CASTOR2: variants seen among roughly 807,000 people sequenced by gnomAD.
CASTOR2 encodes cytosolic arginine sensor for mTORC1 subunit 2.
Under a neutral mutation model 31.2 loss-of-function variants are expected in CASTOR2, and 8 were observed. The ratio of observed to expected loss-of-function variants is 0.26; its 90% CI spans 0.15 to 0.46. CASTOR2 has a LOEUF of 0.46. Ranked by LOEUF, CASTOR2 falls within the 20% of genes least tolerant of loss-of-function variation. The pLI is 0.99. For synonymous variants in CASTOR2, 162 were observed against 158.7 expected, an observed-to-expected ratio of 1.02 and a Z score of -0.16; for missense variants, 216 against 382.1, an observed-to-expected ratio of 0.57 and a Z score of 3.62.
Position 75,028,606 on chromosome 7 carries a change from C to T in CASTOR2, c.*3907C>T, listed in dbSNP as rs1805208528. ...GGATGGGGAGGAACAGAGCAGTGAC[C>T]ACCCCTCCCTGCCACTGATAAGTTC... On this transcript the variant is annotated 3_prime_UTR_variant, in exon 9 of 9. Coordinates refer to ENST00000616305, the MANE Select transcript of CASTOR2 (RefSeq NM_001145064.3). Among the ~76,000 whole-genome samples, 3 of 152,252 alleles carry T rather than the reference C, an allele frequency of 2.0e-5. No individual in the cohort carries two copies. The South Asian group carries it at 6.2e-4, about 32-fold the overall frequency.
At chr7:75,020,220 A>G in intron 6 of CASTOR2, 71 bp downstream of exon 6, 1 of 1,299,262 alleles carries the variant, frequency 7.7e-7, no homozygotes, top group South Asian at 1.3e-5. Context: ...ATGTGATGGC[A>G]CATCACCCAC....
intron 4 of CASTOR2, 66 bp from the exon 5 acceptor site, chr7:75,018,906 C>G (rs1376135640): frequency 6.4e-6 from 10 of 1,551,350 alleles, no homozygotes; most frequent in Admixed American, 2.0e-5. Flanking sequence ...TTCCCAGGCC[C>G]TGCACCCACC....
chr7:74,996,935 A>G (rs1804366783), intron 1 of CASTOR2, among the ~76,000 whole-genome samples: 2 of 150,842 alleles, frequency 1.3e-5, no homozygotes, highest in Admixed American at 1.3e-4. Flanking sequence ...GGGTTTCACC[A>G]TGTTGGCCAG....
In CASTOR2 at chr7:75,017,678, T is replaced by C; in HGVS notation, c.265T>C (p.Ser89Pro). 1 of 1,614,024 alleles carries C rather than the reference T, an allele frequency of 6.2e-7. No individual in the cohort carries two copies. The highest frequency in any genetic ancestry group is 8.5e-7 in the Non-Finnish European group (1 of 1,179,874). Residue 89 changes from serine (S) to proline (P), a missense_variant, in exon 3 of 9, where the codon TCC becomes CCC. By Grantham distance (74) the Ser-to-Pro change is moderately conservative (BLOSUM62 -1). This residue lies in a region of CASTOR2 where 114 missense variants were observed against 194.2 expected (regional missense o/e 0.59). Transcript: ENST00000616305. ...LNVVSGGGSF[S>P]SSQPIGVTKI... is the part of the protein sequence containing the mutation. Reference sequence around the variant, plus strand: ...CGTGGTGTCCGGCGGTGGCAGCTTCTCCAGCTCCCAGCCCATCGGCGTGAC... The same window carrying C: ...CGTGGTGTCCGGCGGTGGCAGCTTCCCCAGCTCCCAGCCCATCGGCGTGAC...
intron 1 of CASTOR2, among the ~76,000 whole-genome samples, chr7:74,971,884 C>T (rs1187298317): frequency 2.8e-5 from 4 of 141,612 alleles, no homozygotes; most frequent in Non-Finnish European, 4.6e-5. Context: ...GGTGGGATCC[C>T]GGTGTGCCCC....
rs1275560504 is a variant in CASTOR2, at chr7:74,981,758, T to C, written c.113+16660T>C. 4.5e-4 allele frequency among the ~76,000 whole-genome samples: 67 copies of C among 150,030 alleles called. 2 individuals are homozygous for C. Among genetic ancestry groups the C allele is most frequent in the African/African-American group, 1.5e-3 (63 of 40,650 alleles). Reference sequence around the variant, plus strand: ...TTTTTTAATAATTTTTTTTTTTTAATGTGGGAGAGTTCAAATGTGAAATCA... The same window carrying C: ...TTTTTTAATAATTTTTTTTTTTTAACGTGGGAGAGTTCAAATGTGAAATCA... On this transcript the variant is annotated intron_variant, in intron 1 of 8. Coordinates refer to ENST00000616305, the MANE Select transcript of CASTOR2 (RefSeq NM_001145064.3).
At chr7:74,988,607 T>G (rs1225862467) in intron 1 of CASTOR2, among the ~76,000 whole-genome samples, 1 of 152,142 alleles carries the variant, frequency 6.6e-6, no homozygotes, top group Non-Finnish European at 1.5e-5. Flanking sequence ...CACGCTCCTT[T>G]TTTTTGGTGG....
chr7:74,977,204 A>C (rs1221119646), intron 1 of CASTOR2, among the ~76,000 whole-genome samples: 3 of 149,856 alleles, frequency 2.0e-5, no homozygotes, highest in Non-Finnish European at 3.0e-5. Flanking sequence ...AAAAAAAAAA[A>C]CACCTTGTAA....
chr7:74,988,452 T>C lies in CASTOR2; in HGVS notation c.114-19542T>C, dbSNP rs1358058919. ...AGCTGGGACTACAGGTGCCTGCCAC[T>C]GCGCCCAGCTAATTTTTTATGTTTT... is the stretch of plus-strand genomic sequence containing the variant. On this transcript the variant is annotated intron_variant, in intron 1 of 8. Coordinates refer to ENST00000616305, the MANE Select transcript of CASTOR2 (RefSeq NM_001145064.3). 1.2e-3 allele frequency among the ~76,000 whole-genome samples: 185 copies of C among 152,018 alleles called. 2 individuals are homozygous for C. Among genetic ancestry groups the C allele is most frequent in the Non-Finnish European group, 2.2e-4 (15 of 67,976 alleles).
chr7:74,996,776 T>G (rs1343588731), intron 1 of CASTOR2, among the ~76,000 whole-genome samples: 1,247 of 115,476 alleles, frequency 0.011, 19 homozygotes, highest in Middle Eastern at 0.042. Context: ...TCACCCAGGC[T>G]GGAGTGCAGT....
chr7:74,987,451 G>C (rs1465815645), intron 1 of CASTOR2, among the ~76,000 whole-genome samples: 1 of 151,196 alleles, frequency 6.6e-6, no homozygotes, highest in Non-Finnish European at 1.5e-5. Flanking sequence ...TCCCATAGAA[G>C]AAGGAAGGTT....
chr7:75,001,939 C>T (rs1465767554), intron 1 of CASTOR2, among the ~76,000 whole-genome samples: 1 of 152,166 alleles, frequency 6.6e-6, no homozygotes, highest in Admixed American at 6.5e-5. Flanking sequence ...TGTGATGCAC[C>T]ACCAGCCCAG....
rs968564264 is a variant in CASTOR2, at chr7:75,030,061, G to A, written c.*5362G>A. ...GGAGCAGCCTGGAGCAGAGGCAGGA[G>A]CCTGAGGCCTGAGCCATGGCATCCA... On this transcript the variant is annotated 3_prime_UTR_variant, in exon 9 of 9. Coordinates refer to ENST00000616305, the MANE Select transcript of CASTOR2 (RefSeq NM_001145064.3). 6.6e-6 allele frequency among the ~76,000 whole-genome samples: 1 copy of A among 152,264 alleles called. No homozygotes were observed. Among genetic ancestry groups the A allele is most frequent in the African/African-American group, 2.4e-5 (1 of 41,474 alleles).
intron 1 of CASTOR2, among the ~76,000 whole-genome samples, chr7:74,984,125 A>G (rs1226314551): frequency 1.3e-5 from 2 of 149,276 alleles, no homozygotes; most frequent in Non-Finnish European, 3.0e-5. Context: ...GTCTGGGGGC[A>G]TTCTAAAAAC....
chr7:75,020,557 C>A (rs1163362584), intron 6 of CASTOR2, among the ~76,000 whole-genome samples: 1 of 150,480 alleles, frequency 6.6e-6, no homozygotes, highest in Admixed American at 6.6e-5. Context: ...GTGGCACTAT[C>A]TCGGCTCACT....
At chr7:75,008,147 C>A (rs1554438965) in intron 2 of CASTOR2, 83 bp downstream of exon 2, 17 of 1,445,542 alleles carry the variant, frequency 1.2e-5, no homozygotes, top group East Asian at 1.2e-4. Flanking sequence ...TTCTGTCCCC[C>A]GCCCACCTCC....
chr7:75,011,562 A>G (rs1237580259), intron 2 of CASTOR2, among the ~76,000 whole-genome samples: 3 of 151,842 alleles, frequency 2.0e-5, no homozygotes, highest in Middle Eastern at 3.4e-3. Flanking sequence ...GTGAAACCCC[A>G]TATCTACTAA....
At chr7:75,018,252 G>T (rs1804911588) in intron 4 of CASTOR2, 130 bp downstream of exon 4, 1 of 1,502,992 alleles carries the variant, frequency 6.7e-7, no homozygotes, top group Admixed American at 2.0e-5. Context: ...AGAACGGGAT[G>T]CAAAGGGCCC....
intron 1 of CASTOR2, among the ~76,000 whole-genome samples, chr7:75,001,123 C>T (rs1335520367): frequency 6.6e-6 from 1 of 152,168 alleles, no homozygotes; most frequent in Non-Finnish European, 1.5e-5. Context: ...GTCACCCAGC[C>T]TGGAGTGCAG....
Sources: allele counts gnomAD v4.1 joint callset (sites outside exome capture counted in the v4.1 genomes callset), GRCh38; gene constraint gnomAD v4.1.1; regional missense constraint gnomAD v4.1.1; transcripts MANE v1.5; gene names NCBI Gene and HGNC (gene_info 2026-07-23, HGNC 2026-07-21).